PRKCB: variants seen among roughly 807,000 people sequenced by gnomAD.
PRKCB encodes the protein protein kinase C beta.
PRKCB carries 13 observed loss-of-function variants against 81.5 expected under a neutral mutation model. That is an observed-to-expected ratio of 0.16 (90% CI 0.10 to 0.25). The LOEUF is 0.25. PRKCB is among the 10% of genes least tolerant of loss of function. The probability of loss-of-function intolerance (pLI) is 1.00; values close to 1 mark genes in which losing one functional copy is unlikely to be tolerated. For synonymous variants in PRKCB, 335 were observed against 321.4 expected (o/e 1.04, Z -0.45); for missense variants, 509 against 875.7 (o/e 0.58, Z 5.29).
At chr16:23,986,584 A>G (rs1964806942) in intron 2 of PRKCB, among the ~76,000 whole-genome samples, 1 of 152,138 alleles carries the variant, frequency 6.6e-6, no homozygotes, top group Non-Finnish European at 1.5e-5. Flanking sequence ...AATTGTTAAC[A>G]CGTATATTTA....
intron 5 of PRKCB, among the ~76,000 whole-genome samples, chr16:24,039,859 C>G (rs948779830): frequency 2.6e-5 from 4 of 152,188 alleles, no homozygotes; most frequent in Non-Finnish European, 4.4e-5. Flanking sequence ...GGGACTCCAG[C>G]CCCCTCCTCC....
At chr16:24,167,568 A>C (rs1967367416) in intron 10 of PRKCB, among the ~76,000 whole-genome samples, 1 of 152,032 alleles carries the variant, frequency 6.6e-6, no homozygotes, top group Non-Finnish European at 1.5e-5. Flanking sequence ...ACAGAAAAAA[A>C]AAAACAAAAA....
chr16:24,065,228 A>T (rs1464865872), intron 5 of PRKCB, among the ~76,000 whole-genome samples: 1 of 151,542 alleles, frequency 6.6e-6, no homozygotes, highest in Non-Finnish European at 1.5e-5. Context: ...TTGAGTCTAT[A>T]TCTACCACTT....
At chr16:24,039,788 A>G (rs1965676651) in intron 5 of PRKCB, among the ~76,000 whole-genome samples, 1 of 152,168 alleles carries the variant, frequency 6.6e-6, no homozygotes, top group Non-Finnish European at 1.5e-5. Context: ...GCAGGGTCCA[A>G]CAGCATCTGG....
intron 2 of PRKCB, among the ~76,000 whole-genome samples, chr16:23,972,550 T>C (rs1197100503): frequency 6.6e-6 from 1 of 152,218 alleles, no homozygotes; most frequent in Non-Finnish European, 1.5e-5. Context: ...TCCCCTTCAC[T>C]GTCTTATTTA....
At chr16:23,910,872 C>T (rs1007069368) in intron 2 of PRKCB, among the ~76,000 whole-genome samples, 4 of 151,956 alleles carry the variant, frequency 2.6e-5, no homozygotes, top group South Asian at 2.1e-4. Context: ...AAACTAATTC[C>T]GTTTCTGTAG....
In PRKCB at chr16:24,216,735, G is replaced by T. The variant is rs1263759007; in HGVS notation, c.*1919G>T. On this transcript the variant is annotated 3_prime_UTR_variant, in exon 17 of 17. Transcript: ENST00000643927. ...GGACCTAAGGTGAAGCAAACTTGAA[G>T]TTCTATCTGACAAGTTTAGGCAGTA... 2 of 985,372 alleles carry T rather than the reference G, an allele frequency of 2.0e-6. No individual in the cohort carries two copies. The highest frequency in any genetic ancestry group is 3.5e-5 in the African/African-American group (2 of 57,248). 61.0% of individuals were successfully genotyped at this position (985,372 alleles called of 1,614,324 possible). A position where few individuals can be genotyped will look rare whatever the true frequency, so the allele number is the denominator to read the frequency against.
rs370318979 is a variant in PRKCB, at chr16:23,899,603, ACTCTCTCTCTCTCTCTCT to A, written c.205+62222_205+62239del. On this transcript the variant is annotated intron_variant, in intron 2 of 16. Coordinates refer to ENST00000643927, the MANE Select transcript of PRKCB (RefSeq NM_002738.7). Reference sequence around the variant, plus strand: ...CATTTGTAATTACTTATCCATAAGAACTCTCTCTCTCTCTCTCTCTCTCTCTCTCTCTCTCTCTCTCTG... The same window carrying A: ...CATTTGTAATTACTTATCCATAAGAACTCTCTCTCTCTCTCTCTCTCTCTG... Among the ~76,000 whole-genome samples, 14 of 45,620 alleles carry A rather than the reference ACTCTCTCTCTCTCTCTCT, an allele frequency of 3.1e-4. 4 individuals are homozygous for A. The highest frequency in any genetic ancestry group is 4.1e-4 in the African/African-American group (6 of 14,648). 29.9% of individuals were successfully genotyped at this position (45,620 alleles called of 152,430 possible).
intron 7 of PRKCB, among the ~76,000 whole-genome samples, chr16:24,101,570 A>C (rs577219541): frequency 9.8e-5 from 15 of 152,342 alleles, no homozygotes; most frequent in African/African-American, 3.4e-4. Context: ...ACAAATAAAA[A>C]ATGAAGTTGA....
chr16:23,988,568 C>G lies in PRKCB; in HGVS notation c.266C>G (p.Ala89Gly). The G allele has an allele frequency of 6.2e-7, 1 of 1,614,086 alleles. No homozygotes were observed. Among genetic ancestry groups the G allele is most frequent in the South Asian group, 1.1e-5 (1 of 91,088 alleles). ...HEFVTFSCPG[A>G]DKGPASDDPR... ...TTTGTCACATTCTCCTGCCCTGGCG[C>G]TGACAAGGGTCCAGCCTCCGATGTA... Residue 89 changes from alanine to glycine, a missense_variant, in exon 3 of 17, where the codon GCT becomes GGT. This residue lies in a region of PRKCB where 184 missense variants were observed against 362.9 expected (regional missense o/e 0.51). Coordinates refer to ENST00000643927, the MANE Select transcript of PRKCB (RefSeq NM_002738.7).
At chr16:24,141,069 G>A (rs1238384632) in intron 9 of PRKCB, among the ~76,000 whole-genome samples, 2 of 152,190 alleles carry the variant, frequency 1.3e-5, no homozygotes, top group Non-Finnish European at 2.9e-5. Context: ...TATATGTTAA[G>A]CTGTTAACAT....
At chr16:24,073,626 C>A (rs548802157) in intron 5 of PRKCB, among the ~76,000 whole-genome samples, 3 of 152,172 alleles carry the variant, frequency 2.0e-5, no homozygotes, top group Non-Finnish European at 4.4e-5. Context: ...TGAGCCATTG[C>A]GCCTGGCCGG....
chr16:24,089,868 A>T (rs1966356381), intron 5 of PRKCB, among the ~76,000 whole-genome samples: 1 of 152,192 alleles, frequency 6.6e-6, no homozygotes, highest in Non-Finnish European at 1.5e-5. Context: ...TAGCAGTAAT[A>T]TATAGCAGTT....
At chr16:23,889,786 T>G (rs1255726180) in intron 2 of PRKCB, among the ~76,000 whole-genome samples, 2 of 152,218 alleles carry the variant, frequency 1.3e-5, no homozygotes, top group Non-Finnish European at 2.9e-5. Context: ...AAACAAACTT[T>G]TACCTATTTT....
intron 2 of PRKCB, among the ~76,000 whole-genome samples, chr16:23,961,167 C>T (rs151282094): frequency 7.4e-4 from 112 of 152,240 alleles, no homozygotes; most frequent in African/African-American, 2.5e-3. Context: ...TCTCGTCCTC[C>T]GAAGTGCTGG....
intron 2 of PRKCB, among the ~76,000 whole-genome samples, chr16:23,966,369 C>A (rs554713015): frequency 3.7e-4 from 57 of 152,300 alleles, no homozygotes; most frequent in African/African-American, 1.2e-3. Flanking sequence ...GCCTTCACCT[C>A]TTTCTGGTGT....
chr16:23,853,788 A>G (rs1962513250), intron 2 of PRKCB, among the ~76,000 whole-genome samples: 1 of 151,484 alleles, frequency 6.6e-6, no homozygotes, highest in Non-Finnish European at 1.5e-5. Context: ...CAGACTTTCT[A>G]GTTTTTCAAT....
intron 16 of PRKCB, among the ~76,000 whole-genome samples, chr16:24,192,637 G>A (rs1000415298): frequency 2.2e-4 from 34 of 152,256 alleles, no homozygotes; most frequent in Middle Eastern, 6.8e-3. Flanking sequence ...AGAACCCAGC[G>A]GACATCTGGG....
At chr16:24,139,553 G>A (rs2141942326) in intron 9 of PRKCB, among the ~76,000 whole-genome samples, 1 of 152,272 alleles carries the variant, frequency 6.6e-6, no homozygotes, top group Admixed American at 6.5e-5. Context: ...AGAGATGACT[G>A]GGCTAAATGC....
Sources: allele counts gnomAD v4.1 joint callset (sites outside exome capture counted in the v4.1 genomes callset), GRCh38; gene constraint gnomAD v4.1.1; regional missense constraint gnomAD v4.1.1; transcripts MANE v1.5; gene names NCBI Gene and HGNC (gene_info 2026-07-23, HGNC 2026-07-21).